LIPA: variants seen among roughly 807,000 people sequenced by gnomAD.
The protein encoded by LIPA is lipase A, lysosomal acid type.
In LIPA, 26 loss-of-function variants were observed where a neutral mutation model predicts 40.6. That is an observed-to-expected ratio of 0.64 (90% CI 0.47 to 0.89). LIPA has a LOEUF of 0.89. LIPA is among the 40% of genes least tolerant of loss of function. LIPA has a pLI of 0.00. For missense variants in LIPA, 455 were observed against 479.6 expected (o/e 0.95, Z 0.48); for synonymous variants, 188 against 168.4 (o/e 1.12, Z -0.90).
At chr10:89,414,029 G>A (rs1385394200) in intron 1 of LIPA, among the ~76,000 whole-genome samples, 11 of 152,108 alleles carry the variant, frequency 7.2e-5, no homozygotes, top group Admixed American at 3.9e-4. Context: ...GTCTTTATTG[G>A]GTCCTTATTA....
chr10:89,401,094 T>C (rs1336009768), intron 2 of LIPA, among the ~76,000 whole-genome samples: 1 of 152,068 alleles, frequency 6.6e-6, no homozygotes, highest in Non-Finnish European at 1.5e-5. Context: ...ACTATCCTTT[T>C]ATATGAAAGT....
chr10:89,395,359 C>T (rs1377283367), intron 2 of LIPA, among the ~76,000 whole-genome samples: 1 of 152,236 alleles, frequency 6.6e-6, no homozygotes, highest in Admixed American at 6.5e-5. Context: ...ACATTCCCCA[C>T]TCGCTGGTTG....
At chr10:89,303,345 C>G (rs573865140) in intron 1 of LIPA, among the ~76,000 whole-genome samples, 1 of 152,206 alleles carries the variant, frequency 6.6e-6, no homozygotes, top group Admixed American at 6.5e-5. Context: ...ATGTGTGTTT[C>G]TAAAAGGCTC....
intron 2 of LIPA, among the ~76,000 whole-genome samples, chr10:89,246,785 C>T (rs1843030438): frequency 6.6e-6 from 1 of 151,982 alleles, no homozygotes; most frequent in Admixed American, 6.6e-5. Context: ...CATATTTTTT[C>T]TAACAAAATT....
intron 8 of LIPA, among the ~76,000 whole-genome samples, chr10:89,221,984 C>T (rs193084602): frequency 1.6e-4 from 24 of 152,144 alleles, no homozygotes; most frequent in Admixed American, 4.6e-4. Context: ...ATAAAATAAT[C>T]AAAACTGTAT....
At chr10:89,313,621 G>A (rs959354363) in intron 1 of LIPA, among the ~76,000 whole-genome samples, 1 of 152,118 alleles carries the variant, frequency 6.6e-6, no homozygotes, top group Non-Finnish European at 1.5e-5. Context: ...TATTATTCAT[G>A]ATGGCCAAAA....
intron 1 of LIPA, among the ~76,000 whole-genome samples, chr10:89,304,510 C>G (rs1435497100): frequency 6.6e-6 from 1 of 152,008 alleles, no homozygotes; most frequent in African/African-American, 2.4e-5. Context: ...TGCCACATTG[C>G]ATGACATTCC....
At chr10:89,343,771 G>A (rs1010775984), upstream of LIPA, among the ~76,000 whole-genome samples, 2 of 152,114 alleles carry the variant, frequency 1.3e-5, no homozygotes, top group African/African-American at 2.4e-5. Flanking sequence ...ATTGCCATAT[G>A]GGGCAGTACT....
chr10:89,397,077 AT>A (rs1844354780), intron 2 of LIPA, among the ~76,000 whole-genome samples: 1 of 152,206 alleles, frequency 6.6e-6, no homozygotes, highest in African/African-American at 2.4e-5. Context: ...CTTGATATAT[AT>A]GAAAGTCCAT....
upstream of LIPA, among the ~76,000 whole-genome samples, chr10:89,344,181 T>C (rs1214474290): frequency 6.6e-6 from 1 of 152,184 alleles, no homozygotes; most frequent in Non-Finnish European, 1.5e-5. Context: ...TGTATCACAA[T>C]GAAAAATGCT....
chr10:89,396,299 T>A (rs930640856), intron 2 of LIPA, among the ~76,000 whole-genome samples: 18 of 152,206 alleles, frequency 1.2e-4, no homozygotes, highest in African/African-American at 4.1e-4. Flanking sequence ...AAGCAACAAT[T>A]TCTAAGGCTG....
chr10:89,266,645 G>A (rs1158395031), intron 1 of LIPA, among the ~76,000 whole-genome samples: 1 of 152,142 alleles, frequency 6.6e-6, no homozygotes, highest in African/African-American at 2.4e-5. Flanking sequence ...TCTGTACTTT[G>A]TGTTATCTTG....
intron 2 of LIPA, among the ~76,000 whole-genome samples, chr10:89,365,722 G>T (rs897320680): frequency 1.3e-5 from 2 of 152,002 alleles, no homozygotes; most frequent in African/African-American, 4.8e-5. Flanking sequence ...TTTCCCCATT[G>T]CTTGTTTTTG....
chr10:89,402,364 A>G, intron 2 of LIPA: 1 of 1,614,194 alleles, frequency 6.2e-7, no homozygotes, highest in Admixed American at 1.7e-5. Context: ...ATTGATGACG[A>G]TGAAATGCCT....
chr10:89,342,541 C>A lies in LIPA; in HGVS notation c.-2+70G>T, dbSNP rs376081225. On this transcript the variant is annotated intron_variant, in intron 1 of 5. Transcript: ENST00000282673. ...GCAAGCAAAGCTGCTTTTCTAATAA[C>A]TCCCATTTTCTATGCATACCCTGGG... 1.2e-4 allele frequency: 18 copies of A among 152,218 alleles called. No individual in the cohort carries two copies. The East Asian group carries it at 1.5e-3, about 13-fold the overall frequency. 9.4% of individuals were successfully genotyped at this position (152,218 alleles called of 1,614,324 possible).
At chr10:89,257,186 AT>A (rs934079038) in intron 1 of LIPA, among the ~76,000 whole-genome samples, 5 of 152,226 alleles carry the variant, frequency 3.3e-5, no homozygotes, top group African/African-American at 9.7e-5. Flanking sequence ...GCAAGACTGC[AT>A]TTTTGGCAGT....
chr10:89,278,864 ATAAT>A (rs1349672704), intron 1 of LIPA, among the ~76,000 whole-genome samples: 1 of 151,420 alleles, frequency 6.6e-6, no homozygotes, highest in African/African-American at 2.4e-5. Flanking sequence ...TATATATAGT[ATAAT>A]TAAAAGAATG....
At chr10:89,287,998 C>A (rs540047065) in intron 1 of LIPA, among the ~76,000 whole-genome samples, 2 of 152,330 alleles carry the variant, frequency 1.3e-5, no homozygotes, top group Admixed American at 1.3e-4. Flanking sequence ...TCATCCCAGC[C>A]TCTTTTCACT....
At position 89,239,408 on chromosome 10, in the gene LIPA, T is replaced by C. The variant is rs144568411; in HGVS notation, c.229+6268A>G. On this transcript the variant is annotated intron_variant, in intron 3 of 9. Transcript: ENST00000336233. ...GGAGGTAATAGGAGTTCTTACACCC[T>C]AGAATTGTATGAGAGTTCACCTGAT... Among the ~76,000 whole-genome samples, 819 of 152,340 alleles carry C rather than the reference T, an allele frequency of 5.4e-3. 4 individuals carry two copies. The highest frequency in any genetic ancestry group is 7.8e-3 in the Non-Finnish European group (530 of 68,030).
Sources: gnomAD v4.1 joint callset for allele counts (sites outside exome capture counted in the v4.1 genomes callset) on GRCh38, gnomAD v4.1.1 for gene constraint, MANE v1.5 for transcripts, NCBI Gene and HGNC (gene_info 2026-07-23, HGNC 2026-07-21) for gene names.